RIMS2: variants seen among roughly 807,000 people sequenced by gnomAD.
RIMS2 encodes the protein regulating synaptic membrane exocytosis protein 2.
In RIMS2, 59 loss-of-function variants were observed where a neutral mutation model predicts 174.4. The ratio of observed to expected loss-of-function variants is 0.34; its 90% CI spans 0.27 to 0.42. The LOEUF (loss-of-function observed/expected upper bound fraction) is 0.42. Ranked by LOEUF, RIMS2 falls within the 10% of genes least tolerant of loss-of-function variation. The probability of loss-of-function intolerance (pLI) is 1.00; values close to 1 mark genes in which losing one functional copy is unlikely to be tolerated. For synonymous variants in RIMS2, 606 were observed against 572.5 expected, an observed-to-expected ratio of 1.06 and a Z score of -0.84; for missense variants, 1,620 against 1,666.3, an observed-to-expected ratio of 0.97 and a Z score of 0.48.
intron 1 of RIMS2, among the ~76,000 whole-genome samples, chr8:103,610,059 CT>C (rs1392378680): frequency 6.6e-6 from 1 of 152,070 alleles, no homozygotes; most frequent in Non-Finnish European, 1.5e-5. Flanking sequence ...CCTTCATTAG[CT>C]GTATTCCTAG....
chr8:104,002,060 C>T (rs953696378), intron 17 of RIMS2, among the ~76,000 whole-genome samples: 1 of 152,102 alleles, frequency 6.6e-6, no homozygotes. Context: ...CAAGCTTTAC[C>T]TCCAATTCTA....
chr8:104,142,898 T>C (rs565577573), intron 19 of RIMS2, among the ~76,000 whole-genome samples: 7 of 152,210 alleles, frequency 4.6e-5, no homozygotes, highest in African/African-American at 7.2e-5. Flanking sequence ...TTATATACAG[T>C]ACTTGCAATA....
chr8:103,521,891 C>T (rs186596044), intron 1 of RIMS2, among the ~76,000 whole-genome samples: 9 of 151,414 alleles, frequency 5.9e-5, no homozygotes, highest in Admixed American at 5.9e-4. Context: ...CCACTTATGT[C>T]CATTTTGTTG....
intron 19 of RIMS2, chr8:104,094,523 A>G (rs1669892939): frequency 1.4e-6 from 1 of 701,102 alleles, no homozygotes; most frequent in African/African-American, 1.7e-5. Context: ...ATAAGCATGA[A>G]GAGATAGTTC....
At chr8:104,251,861 A>AAC, downstream of RIMS2, 1 of 906,510 alleles carries the variant, frequency 1.1e-6, no homozygotes, top group Non-Finnish European at 1.7e-6. Flanking sequence ...CAGCGTTACA[A>AAC]AAAAAAAAAA....
intron 2 of RIMS2, among the ~76,000 whole-genome samples, chr8:103,704,724 C>T (rs965774420): frequency 6.6e-6 from 1 of 151,908 alleles, no homozygotes; most frequent in Admixed American, 6.6e-5. Context: ...AGAAATGTAT[C>T]CATTTCTTGT....
In RIMS2 at chr8:103,571,992, TC is replaced by T. The variant is rs376309169; in HGVS notation, c.176+70932del. Among the ~76,000 whole-genome samples the T allele has an allele frequency of 1.6e-3, 239 of 152,268 alleles. 2 individuals carry two copies. The highest frequency in any genetic ancestry group is 5.2e-3 in the African/African-American group (217 of 41,534). ...AATAGTGTGTCCAGCATTGGTTCCT[TC>T]CGGTGGGTTCTTGGTCTCTCTTGAC... On this transcript the variant is annotated intron_variant, in intron 1 of 23. Transcript: ENST00000504942.
chr8:103,983,508 C>T (rs1361505294), intron 16 of RIMS2, among the ~76,000 whole-genome samples: 1 of 152,104 alleles, frequency 6.6e-6, no homozygotes, highest in Non-Finnish European at 1.5e-5. Flanking sequence ...TACTACAGCG[C>T]TATAGTAACT....
chr8:103,541,891 A>G (rs893082746), intron 1 of RIMS2, among the ~76,000 whole-genome samples: 3 of 152,220 alleles, frequency 2.0e-5, no homozygotes, highest in African/African-American at 7.2e-5. Flanking sequence ...CAACTATAAC[A>G]TATTTTAGAT....
intron 13 of RIMS2, among the ~76,000 whole-genome samples, chr8:103,937,504 A>G (rs1410476535): frequency 1.3e-5 from 2 of 152,256 alleles, no homozygotes; most frequent in East Asian, 3.8e-4. Flanking sequence ...ACTTACTTCA[A>G]GGAATTTACA....
At chr8:104,220,045 TA>T (rs1239830990) in intron 19 of RIMS2, among the ~76,000 whole-genome samples, 1 of 152,190 alleles carries the variant, frequency 6.6e-6, no homozygotes. Context: ...AAATTTTTTT[TA>T]AAGTAGAATT....
At position 104,170,797 on chromosome 8, in the gene RIMS2, G is replaced by A. The variant is rs74837187; in HGVS notation, c.3335-74119G>A. ...GAAGTTCTCTTTTGGTGTATGCTGA[G>A]GTTTTGTTTCAATGTTTAGAACTCC... On this transcript the variant is annotated intron_variant, in intron 19 of 23. Transcript: ENST00000504942. Among the ~76,000 whole-genome samples the A allele has an allele frequency of 1.2e-3, 186 of 152,028 alleles. 1 individual carries two copies. The East Asian group carries it at 0.022, about 18-fold the overall frequency.
At chr8:104,011,373 T>C (rs1034114123) in intron 17 of RIMS2, among the ~76,000 whole-genome samples, 16 of 152,130 alleles carry the variant, frequency 1.1e-4, no homozygotes, top group South Asian at 4.1e-4. Flanking sequence ...ATATATACTT[T>C]GTATTTACGG....
rs371007289 is a variant in RIMS2 at position 103,757,972 on chromosome 8, T to C, written c.388-8255T>C. 1.6e-4 allele frequency among the ~76,000 whole-genome samples: 25 copies of C among 152,334 alleles called. No individual in the cohort carries two copies. The South Asian group carries it at 4.3e-3, about 26-fold the overall frequency. ...ACATCTTGATTTTGGTCAGGTGATA[T>C]TGAAATTGGACTTCTTGTCCCAGAG... On this transcript the variant is annotated intron_variant, in intron 2 of 23. Coordinates refer to ENST00000504942, the Ensembl canonical transcript of RIMS2.
chr8:103,581,857 G>A (rs868791601), intron 1 of RIMS2, among the ~76,000 whole-genome samples: 6 of 152,290 alleles, frequency 3.9e-5, no homozygotes, highest in Admixed American at 6.5e-5. Flanking sequence ...TAGGCCATAA[G>A]GACTGCAACT....
intron 2 of RIMS2, among the ~76,000 whole-genome samples, chr8:103,734,940 G>C (rs1031382690): frequency 7.0e-6 from 1 of 143,246 alleles, no homozygotes; most frequent in Non-Finnish European, 1.5e-5. Context: ...CAGGTTTTCT[G>C]TACTGTCACT....
intron 13 of RIMS2, among the ~76,000 whole-genome samples, chr8:103,941,774 G>C (rs1390721895): frequency 6.6e-6 from 1 of 152,082 alleles, no homozygotes; most frequent in Non-Finnish European, 1.5e-5. Context: ...AGGATAGTAT[G>C]ATAAATACAG....
intron 1 of RIMS2, among the ~76,000 whole-genome samples, chr8:103,598,017 CA>C (rs1161025422): frequency 2.0e-5 from 3 of 151,982 alleles, no homozygotes; most frequent in Non-Finnish European, 4.4e-5. Context: ...GGGTCAAGTT[CA>C]AAAAAAGTTT....
At chr8:104,188,738 A>G (rs756489814) in intron 19 of RIMS2, among the ~76,000 whole-genome samples, 2 of 151,946 alleles carry the variant, frequency 1.3e-5, no homozygotes, top group African/African-American at 2.4e-5. Flanking sequence ...TAGTAAATAT[A>G]ACAAAATGTC....
Sources: gnomAD v4.1 joint callset for allele counts (sites outside exome capture counted in the v4.1 genomes callset) on GRCh38, gnomAD v4.1.1 for gene constraint, MANE v1.5 for transcripts, NCBI Gene and HGNC (gene_info 2026-07-23, HGNC 2026-07-21) for gene names.